The following ITFG1 variants were observed in gnomAD, a reference collection of about 807,000 sequenced individuals.
ITFG1 encodes T-cell immunomodulatory protein.
ITFG1 carries 34 observed loss-of-function variants against 81.8 expected under a neutral mutation model. The ratio of observed to expected loss-of-function variants is 0.42; its 90% CI spans 0.32 to 0.55. The LOEUF (loss-of-function observed/expected upper bound fraction) is 0.55. Ranked by LOEUF, ITFG1 falls within the 20% of genes least tolerant of loss-of-function variation. ITFG1 has a pLI of 0.17. For missense variants in ITFG1, 672 were observed against 755.4 expected, an observed-to-expected ratio of 0.89 and a Z score of 1.29; for synonymous variants, 285 against 270.6, an observed-to-expected ratio of 1.05 and a Z score of -0.52.
chr16:47,171,748 A>G (rs981680938), intron 14 of ITFG1, among the ~76,000 whole-genome samples: 7 of 152,072 alleles, frequency 4.6e-5, no homozygotes, highest in African/African-American at 1.7e-4. Flanking sequence ...AGTTATCTCA[A>G]GATATTGTTT....
intron 14 of ITFG1, among the ~76,000 whole-genome samples, chr16:47,202,913 T>C (rs2151521302): frequency 6.6e-6 from 1 of 152,220 alleles, no homozygotes; most frequent in South Asian, 2.1e-4. Flanking sequence ...TATAAAATGG[T>C]GTGTAGACCC....
At chr16:47,258,236 T>C (rs1399484437) in intron 12 of ITFG1, among the ~76,000 whole-genome samples, 1 of 152,200 alleles carries the variant, frequency 6.6e-6, no homozygotes, top group Non-Finnish European at 1.5e-5. Flanking sequence ...CTGCAACTCC[T>C]TGCAGTGGAA....
intron 14 of ITFG1, 107 bp downstream of exon 14, chr16:47,218,761 A>G (rs1965656477): frequency 4.0e-6 from 2 of 503,230 alleles, no homozygotes; most frequent in Admixed American, 7.7e-5. Flanking sequence ...ATAAAAGTGA[A>G]GATGTTATTA....
Position 47,223,136 on chromosome 16 carries a change from A to G in ITFG1, c.1375-4190T>C, listed in dbSNP as rs867740939. 2.1e-4 allele frequency among the ~76,000 whole-genome samples: 32 copies of G among 151,766 alleles called. No individual in the cohort carries two copies. The Middle Eastern group carries it at 0.01, about 48-fold the overall frequency. On this transcript the variant is annotated intron_variant, in intron 13 of 17. Transcript: ENST00000320640. The stretch of plus-strand genomic sequence containing the variant: ...AGACCTAAAACCATAAAAACCCTAG[A>G]AGAAAACCTAGGCATTACCATTCAG...
intron 6 of ITFG1, among the ~76,000 whole-genome samples, chr16:47,415,989 G>T (rs1290111149): frequency 6.6e-6 from 1 of 152,116 alleles, no homozygotes; most frequent in Non-Finnish European, 1.5e-5. Context: ...AGCTACTCAG[G>T]GGGCTGAGGC....
intron 16 of ITFG1, among the ~76,000 whole-genome samples, chr16:47,161,225 C>T (rs1273700493): frequency 6.6e-6 from 1 of 152,214 alleles, no homozygotes; most frequent in Non-Finnish European, 1.5e-5. Flanking sequence ...TCGCTTACCA[C>T]ATGCTTGGCA....
chr16:47,213,334 C>T (rs1965587151), intron 14 of ITFG1, among the ~76,000 whole-genome samples: 1 of 152,088 alleles, frequency 6.6e-6, no homozygotes, highest in Non-Finnish European at 1.5e-5. Flanking sequence ...GCCCAGAACT[C>T]AGTCTATTTT....
intron 7 of ITFG1, among the ~76,000 whole-genome samples, chr16:47,371,201 C>T (rs527793588): frequency 3.3e-5 from 5 of 152,322 alleles, no homozygotes; most frequent in African/African-American, 9.6e-5. Flanking sequence ...TAGCTCAACT[C>T]GCAGCTCCAC....
chr16:47,434,326 T>C (rs1405557035), intron 5 of ITFG1, among the ~76,000 whole-genome samples: 2 of 150,354 alleles, frequency 1.3e-5, no homozygotes, highest in African/African-American at 4.9e-5. Flanking sequence ...AGTTCTAATA[T>C]CCAGTCTATA....
At chr16:47,370,402 A>C (rs1968237267) in intron 7 of ITFG1, among the ~76,000 whole-genome samples, 1 of 152,150 alleles carries the variant, frequency 6.6e-6, no homozygotes, top group African/African-American at 2.4e-5. Context: ...ACCCAGCCAC[A>C]CGTGGGGATT....
intron 6 of ITFG1, among the ~76,000 whole-genome samples, chr16:47,403,761 TACACACACACACACACACAC>T (rs55978309): frequency 3.0e-5 from 4 of 133,166 alleles, no homozygotes; most frequent in African/African-American, 1.1e-4. Flanking sequence ...TCTCTCTTGG[TACACACACACACACACACAC>T]ACACACACAC....
At chr16:47,390,399 T>C (rs1325623558) in intron 6 of ITFG1, among the ~76,000 whole-genome samples, 2 of 152,212 alleles carry the variant, frequency 1.3e-5, no homozygotes, top group African/African-American at 2.4e-5. Context: ...CAAATAACCT[T>C]ACATAAACTG....
intron 11 of ITFG1, among the ~76,000 whole-genome samples, chr16:47,259,755 CA>C (rs1567438342): frequency 6.6e-6 from 1 of 152,094 alleles, no homozygotes; most frequent in Non-Finnish European, 1.5e-5. Context: ...ACTGGCATTT[CA>C]CCTTAGAAAG....
chr16:47,333,977 C>T (rs1024967980), intron 8 of ITFG1, among the ~76,000 whole-genome samples: 1 of 152,172 alleles, frequency 6.6e-6, no homozygotes, highest in South Asian at 2.1e-4. Context: ...ACAATATCAT[C>T]TGGCACACCA....
At chr16:47,313,561 T>G (rs915531873) in intron 9 of ITFG1, among the ~76,000 whole-genome samples, 168 bp downstream of exon 9, 10 of 152,080 alleles carry the variant, frequency 6.6e-5, no homozygotes, top group African/African-American at 2.4e-4. Context: ...CGCAACAAAT[T>G]AAAAAATAAT....
At chr16:47,195,354 T>C (rs1029821243) in intron 14 of ITFG1, among the ~76,000 whole-genome samples, 2 of 152,172 alleles carry the variant, frequency 1.3e-5, no homozygotes, top group Non-Finnish European at 2.9e-5. Context: ...TTGATTGTCA[T>C]TTCCAGGAAA....
intron 14 of ITFG1, among the ~76,000 whole-genome samples, chr16:47,180,912 G>C (rs867867232): frequency 2.0e-5 from 3 of 151,504 alleles, no homozygotes; most frequent in Non-Finnish European, 4.4e-5. Context: ...GTCTCTGCCC[G>C]GCTGCCATCC....
chr16:47,274,800 CA>C (rs1567443064), intron 10 of ITFG1, among the ~76,000 whole-genome samples: 1 of 152,068 alleles, frequency 6.6e-6, no homozygotes, highest in East Asian at 1.9e-4. Context: ...AGATGAACTA[CA>C]GTGGGAAAGG....
chr16:47,440,511 T>C (rs2151614210), intron 5 of ITFG1, among the ~76,000 whole-genome samples: 1 of 152,236 alleles, frequency 6.6e-6, no homozygotes, highest in East Asian at 1.9e-4. Context: ...GCAATCAAAC[T>C]AGAACTCAGG....
Sources: gnomAD v4.1 joint callset for allele counts (sites outside exome capture counted in the v4.1 genomes callset) on GRCh38, gnomAD v4.1.1 for gene constraint, MANE v1.5 for transcripts, NCBI Gene and HGNC (gene_info 2026-07-23, HGNC 2026-07-21) for gene names.